ITGA4: variants seen among roughly 807,000 people sequenced by gnomAD.
ITGA4 encodes the protein integrin alpha-4.
Under a neutral mutation model 133.6 loss-of-function variants are expected in ITGA4, and 63 were observed. The ratio of observed to expected loss-of-function variants is 0.47; its 90% confidence interval spans 0.38 to 0.58. ITGA4 has a LOEUF of 0.58. Ranked by LOEUF, ITGA4 falls within the 20% of genes least tolerant of loss-of-function variation. The pLI, the probability that ITGA4 is intolerant of heterozygous loss-of-function variation, is 0.00. For synonymous variants in ITGA4, 483 were observed against 438.0 expected (o/e 1.10, Z -1.28); for missense variants, 1,076 against 1,252.7 (o/e 0.86, Z 2.13).
Position 181,538,198 on chromosome 2 carries a change from TTTC to T in ITGA4, c.*2675_*2677del. 2 of 1,582,098 alleles carry T rather than the reference TTTC, an allele frequency of 1.3e-6. No individual in the cohort carries two copies. Among genetic ancestry groups the T allele is most frequent in the Non-Finnish European group, 1.7e-6 (2 of 1,152,082 alleles). On this transcript the variant is annotated 3_prime_UTR_variant, in exon 28 of 28. Coordinates refer to ENST00000397033, the MANE Select transcript of ITGA4 (RefSeq NM_000885.6). The stretch of plus-strand genomic sequence containing the variant: ...ACAATTACATGTTACTTTGGAATCA[TTTC>T]TTCCATGCTTCCTCCATAAAGACTG...
intron 2 of ITGA4, among the ~76,000 whole-genome samples, chr2:181,462,861 A>G (rs1685319294): frequency 6.6e-6 from 1 of 152,196 alleles, no homozygotes; most frequent in Non-Finnish European, 1.5e-5. Context: ...CTAGGGTCAG[A>G]TGCTGAAATC....
At chr2:181,526,569 A>T (rs186669867) in intron 21 of ITGA4, among the ~76,000 whole-genome samples, 452 of 152,284 alleles carry the variant, frequency 3.0e-3, no homozygotes, top group Non-Finnish European at 4.6e-3. Flanking sequence ...TTTGGGGTTC[A>T]TTATAAGTAG....
chr2:181,496,036 C>T, intron 14 of ITGA4, 99 bp downstream of exon 14: 1 of 1,234,776 alleles, frequency 8.1e-7, no homozygotes, highest in South Asian at 1.4e-5. Flanking sequence ...CCACGGAGAT[C>T]TTCTTTAGAG....
rs115499316 is a variant in ITGA4 at position 181,499,518 on chromosome 2, C to T, written c.1695+741C>T. ...AAAAAACCAAACTATTCCCAGGAGC[C>T]CTTTCTGGGATTTCAAATAGTAGCT... On this transcript the variant is annotated intron_variant, in intron 15 of 27. Coordinates refer to ENST00000397033, the MANE Select transcript of ITGA4 (RefSeq NM_000885.6). Among the ~76,000 whole-genome samples the T allele has an allele frequency of 5.7e-3, 875 of 152,182 alleles. 6 individuals carry two copies. Among genetic ancestry groups the T allele is most frequent in the Non-Finnish European group, 9.9e-3 (675 of 68,014 alleles).
At chr2:181,466,910 G>A (rs933648493) in intron 2 of ITGA4, among the ~76,000 whole-genome samples, 1 of 152,044 alleles carries the variant, frequency 6.6e-6, no homozygotes, top group Non-Finnish European at 1.5e-5. Flanking sequence ...CACCTACTAG[G>A]TGCCAGGCAT....
At chr2:181,496,955 C>T (rs1044423853) in intron 14 of ITGA4, among the ~76,000 whole-genome samples, 1 of 152,102 alleles carries the variant, frequency 6.6e-6, no homozygotes, top group Admixed American at 6.6e-5. Context: ...ACACAATGAG[C>T]CTGTACCTGA....
chr2:181,502,306 A>G lies in ITGA4; in HGVS notation c.1695+3529A>G, dbSNP rs528512163. Among the ~76,000 whole-genome samples, 4 of 152,264 alleles carry G rather than the reference A, an allele frequency of 2.6e-5. No homozygotes were observed. In the South Asian group the frequency reaches 6.2e-4, roughly 24 times the overall value. On this transcript the variant is annotated intron_variant, in intron 15 of 27. Coordinates refer to ENST00000397033, the MANE Select transcript of ITGA4 (RefSeq NM_000885.6). Reference sequence around the variant, plus strand: ...AAAAAGTTTTGCCACAAAGGTGACCAAAGAAATGGAGCTGGGGGTCAGTAG... The same window carrying G: ...AAAAAGTTTTGCCACAAAGGTGACCGAAGAAATGGAGCTGGGGGTCAGTAG...
At chr2:181,459,367 A>G (rs1247663148) in intron 2 of ITGA4, 1 of 152,234 alleles carries the variant, frequency 6.6e-6, no homozygotes, top group African/African-American at 2.4e-5. Flanking sequence ...TAAACGGTGA[A>G]TAAAATTGGT....
Position 181,538,311 on chromosome 2 carries a change from G to C in ITGA4, c.*2784G>C. ...TTTTCACATACACCTAATAAGTATG[G>C]TACACAATGCCAATGCCAAATACAA... On this transcript the variant is annotated 3_prime_UTR_variant, in exon 28 of 28. Coordinates refer to ENST00000397033, the MANE Select transcript of ITGA4 (RefSeq NM_000885.6). 1 of 892,600 alleles carries C rather than the reference G, an allele frequency of 1.1e-6. No individual in the cohort carries two copies. Among genetic ancestry groups the C allele is most frequent in the Non-Finnish European group, 1.9e-6 (1 of 536,766 alleles). 55.3% of individuals were successfully genotyped at this position (892,600 alleles called of 1,614,324 possible).
rs141719023 is a variant in ITGA4 at position 181,459,870 on chromosome 2, G to A, written c.319+1553G>A. 5.3e-5 allele frequency among the ~76,000 whole-genome samples: 8 copies of A among 152,276 alleles called. No individual in the cohort carries two copies. The East Asian group carries it at 1.3e-3, about 26-fold the overall frequency. On this transcript the variant is annotated intron_variant, in intron 2 of 27. Transcript: ENST00000397033. ...TACTGATATTTAGTGCCTACTTCCT[G>A]TCTGGATGGACACTGAATCTATTTC...
chr2:181,537,839 T>TA lies in ITGA4; in HGVS notation c.*2312_*2313insA. On this transcript the variant is annotated 3_prime_UTR_variant, in exon 28 of 28. Coordinates refer to ENST00000397033, the MANE Select transcript of ITGA4 (RefSeq NM_000885.6). ...AGGCTAATTGTTAGTAACATCAATT[T>TA]CTATTAGGATATCCGTTTGGCCACA... The TA allele has an allele frequency of 2.0e-6, 1 of 490,508 alleles. No individual in the cohort carries two copies. The highest frequency in any genetic ancestry group is 4.0e-6 in the Non-Finnish European group (1 of 251,198). 30.4% of individuals were successfully genotyped at this position (490,508 alleles called of 1,614,324 possible).
At position 181,488,706 on chromosome 2, in the gene ITGA4, C is replaced by T. The variant is rs1054947670; in HGVS notation, c.1153+2714C>T. Among the ~76,000 whole-genome samples, 6 of 151,758 alleles carry T rather than the reference C, an allele frequency of 4.0e-5. No individual in the cohort carries two copies. The South Asian group carries it at 1.0e-3, about 26-fold the overall frequency. On this transcript the variant is annotated intron_variant, in intron 10 of 27. Transcript: ENST00000397033. ...CCCGAGTAGCTGGGACTACAGGCAC[C>T]CGCCACCACCCCAGCTAATTTTTTT... is the stretch of plus-strand genomic sequence containing the variant.
Position 181,538,360 on chromosome 2 carries a change from C to A in ITGA4, c.*2833C>A. The A allele has an allele frequency of 1.5e-6, 1 of 647,046 alleles. No individual in the cohort carries two copies. The highest frequency in any genetic ancestry group is 1.8e-5 in the African/African-American group (1 of 54,966). 40.1% of individuals were successfully genotyped at this position (647,046 alleles called of 1,614,324 possible). ...AAATTGATAACAAACACAGCATTCC[C>A]AACAGAGCTGTAATCTAGAAAACTG... On this transcript the variant is annotated 3_prime_UTR_variant, in exon 28 of 28. Coordinates refer to ENST00000397033, the MANE Select transcript of ITGA4 (RefSeq NM_000885.6).
In ITGA4 at chr2:181,482,585, G is replaced by A. The variant is rs1382122662; in HGVS notation, c.975G>A (p.Val325=). 9 of 1,613,608 alleles carry A rather than the reference G, an allele frequency of 5.6e-6. No individual in the cohort carries two copies. The highest frequency in any genetic ancestry group is 6.8e-6 in the Non-Finnish European group (8 of 1,179,706). The change falls in exon 9 of 28, where the codon GTG becomes GTA. Residue 325 remains valine (V), a synonymous_variant. Transcript: ENST00000397033. ...LNADGFSDLL[V]GAPMQSTIRE... ...CAGATGGCTTCTCAGATCTGCTCGT[G>A]GGAGCACCCATGCAGAGCACCATCA...
chr2:181,520,200 G>A (rs932700417), intron 17 of ITGA4, among the ~76,000 whole-genome samples: 1 of 152,138 alleles, frequency 6.6e-6, no homozygotes, highest in Non-Finnish European at 1.5e-5. Context: ...TTGGCTGGAA[G>A]AACAACTGAG....
chr2:181,477,185 G>A (rs155090), intron 4 of ITGA4, among the ~76,000 whole-genome samples: 1 of 151,838 alleles, frequency 6.6e-6, no homozygotes, highest in African/African-American at 2.4e-5. Flanking sequence ...GAAATTGAAC[G>A]CTTATCTTAG....
chr2:181,473,172 G>A (rs1386887142), intron 2 of ITGA4, among the ~76,000 whole-genome samples: 2 of 152,204 alleles, frequency 1.3e-5, no homozygotes, highest in Non-Finnish European at 2.9e-5. Flanking sequence ...ATGGGTACTG[G>A]CCCGTGGCCT....
At chr2:181,515,123 C>T (rs1686580106) in intron 17 of ITGA4, among the ~76,000 whole-genome samples, 1 of 152,040 alleles carries the variant, frequency 6.6e-6, no homozygotes, top group Admixed American at 6.6e-5. Context: ...AATAGAGCTC[C>T]AAGTTCTTAT....
intron 17 of ITGA4, among the ~76,000 whole-genome samples, chr2:181,520,728 C>A: frequency 6.6e-6 from 1 of 152,156 alleles, no homozygotes; most frequent in Non-Finnish European, 1.5e-5. Context: ...AACACTTGCC[C>A]GTTTGTGTAT....
Sources: allele counts gnomAD v4.1 joint callset (sites outside exome capture counted in the v4.1 genomes callset), GRCh38; gene constraint gnomAD v4.1.1; transcripts MANE v1.5; gene names NCBI Gene and HGNC (gene_info 2026-07-23, HGNC 2026-07-21).